The following GRM5 variants were observed in gnomAD, a reference collection of about 807,000 sequenced individuals.
The protein encoded by GRM5 is glutamate metabotropic receptor 5.
A neutral mutation model predicts 83.1 loss-of-function variants in GRM5; 19 were observed. The ratio of observed to expected loss-of-function variants is 0.23; its 90% CI spans 0.16 to 0.34. The LOEUF (loss-of-function observed/expected upper bound fraction) is 0.34, where lower values mean the gene tolerates loss of function less well. Ranked by LOEUF, GRM5 falls within the 10% of genes least tolerant of loss-of-function variation. The pLI is 1.00. For missense variants in GRM5, 1,160 were observed against 1,588.3 expected, an observed-to-expected ratio of 0.73 and a Z score of 4.58; for synonymous variants, 675 against 633.6, an observed-to-expected ratio of 1.07 and a Z score of -0.98.
chr11:88,570,567 A>G (rs1378694056), intron 7 of GRM5, among the ~76,000 whole-genome samples: 1 of 71,600 alleles, frequency 1.4e-5, no homozygotes, highest in Non-Finnish European at 2.4e-5. Context: ...ATATATATAT[A>G]TATATTTTTT....
intron 4 of GRM5, among the ~76,000 whole-genome samples, chr11:88,643,485 A>G (rs1939353355): frequency 6.6e-6 from 1 of 152,176 alleles, no homozygotes; most frequent in Non-Finnish European, 1.5e-5. Context: ...TCCTTCCTCT[A>G]GAATATGGAA....
chr11:88,605,286 A>G (rs531821254), intron 4 of GRM5, among the ~76,000 whole-genome samples: 1 of 152,180 alleles, frequency 6.6e-6, no homozygotes, highest in East Asian at 1.9e-4. Context: ...TCTTAAGGAC[A>G]GATTCATTTC....
chr11:88,832,951 A>G (rs1296296724), intron 3 of GRM5, among the ~76,000 whole-genome samples: 1 of 151,942 alleles, frequency 6.6e-6, no homozygotes, highest in Non-Finnish European at 1.5e-5. Flanking sequence ...CTCTCATGAT[A>G]TATAAAAACA....
chr11:88,815,156 C>G (rs1943653402), intron 3 of GRM5, among the ~76,000 whole-genome samples: 1 of 152,012 alleles, frequency 6.6e-6, no homozygotes, highest in Non-Finnish European at 1.5e-5. Flanking sequence ...AAACACTTAC[C>G]AATATGGACC....
chr11:88,830,896 G>A (rs774949758), intron 3 of GRM5, among the ~76,000 whole-genome samples: 3 of 152,110 alleles, frequency 2.0e-5, no homozygotes, highest in African/African-American at 7.2e-5. Context: ...CACATGGATG[G>A]CAGCAGGCAA....
intron 2 of GRM5, among the ~76,000 whole-genome samples, chr11:89,019,694 C>A (rs1294639813): frequency 6.6e-6 from 1 of 152,052 alleles, no homozygotes; most frequent in Admixed American, 6.6e-5. Flanking sequence ...GGCAACAGAG[C>A]AAAACTCTGT....
intron 3 of GRM5, among the ~76,000 whole-genome samples, chr11:88,758,988 T>C (rs555479504): frequency 6.6e-6 from 1 of 152,238 alleles, no homozygotes; most frequent in Admixed American, 6.5e-5. Context: ...CAAACTAAGC[T>C]TCATACATGA....
chr11:88,684,374 G>A (rs1250586111), intron 3 of GRM5, among the ~76,000 whole-genome samples: 1 of 152,148 alleles, frequency 6.6e-6, no homozygotes, highest in Non-Finnish European at 1.5e-5. Context: ...TGAAATTAGA[G>A]GATCAATTAG....
intron 3 of GRM5, among the ~76,000 whole-genome samples, chr11:88,808,180 A>G (rs1943529569): frequency 6.6e-6 from 1 of 152,032 alleles, no homozygotes; most frequent in South Asian, 2.1e-4. Context: ...AGACATGTGT[A>G]TTTAAGCCTT....
intron 2 of GRM5, among the ~76,000 whole-genome samples, chr11:88,911,028 C>T (rs191403252): frequency 7.2e-4 from 110 of 152,158 alleles, no homozygotes; most frequent in Middle Eastern, 3.4e-3. Flanking sequence ...CAAGCGAATG[C>T]GTCCAGTCAT....
At chr11:88,644,893 A>T (rs1939397358) in intron 4 of GRM5, among the ~76,000 whole-genome samples, 1 of 152,116 alleles carries the variant, frequency 6.6e-6, no homozygotes, top group Non-Finnish European at 1.5e-5. Flanking sequence ...CTGTGGGGAA[A>T]TGCTACAGGG....
rs1360222704 is a variant in GRM5, at chr11:88,507,950, C to G, written c.*642G>C. On this transcript the variant is annotated 3_prime_UTR_variant, in exon 10 of 10. Coordinates refer to ENST00000305447, the MANE Select transcript of GRM5 (RefSeq NM_001143831.3). ...ACAACCCAATTGGAGAGGAAAATCT[C>G]TGGTAGAAGCCCTACGTAGTACATT... 6.6e-6 allele frequency: 1 copy of G among 152,506 alleles called. No individual in the cohort carries two copies. Among genetic ancestry groups the G allele is most frequent in the Non-Finnish European group, 1.5e-5 (1 of 68,040 alleles). 9.4% of individuals were successfully genotyped at this position (152,506 alleles called of 1,614,324 possible). A position where few individuals can be genotyped will look rare whatever the true frequency, so the allele number is the denominator to read the frequency against.
At chr11:88,840,559 G>T (rs536091398) in intron 3 of GRM5, among the ~76,000 whole-genome samples, 1 of 152,136 alleles carries the variant, frequency 6.6e-6, no homozygotes, top group East Asian at 1.9e-4. Context: ...CACAAGATCT[G>T]GAAACAGTTT....
chr11:88,839,472 A>G (rs2135528906), intron 3 of GRM5, among the ~76,000 whole-genome samples: 1 of 152,346 alleles, frequency 6.6e-6, no homozygotes, highest in African/African-American at 2.4e-5. Flanking sequence ...AAAACTACAA[A>G]TTAAAACATT....
At chr11:88,559,489 T>C (rs1028418902) in intron 8 of GRM5, among the ~76,000 whole-genome samples, 2 of 152,196 alleles carry the variant, frequency 1.3e-5, no homozygotes, top group South Asian at 2.1e-4. Context: ...TCCTCATGTG[T>C]ACAATAAATG....
At chr11:88,710,371 G>C (rs1941256407) in intron 3 of GRM5, among the ~76,000 whole-genome samples, 1 of 152,106 alleles carries the variant, frequency 6.6e-6, no homozygotes, top group African/African-American at 2.4e-5. Flanking sequence ...CCTTTGTTGA[G>C]CAGCATGCAG....
At chr11:88,516,226 T>C (rs1480784386) in intron 9 of GRM5, among the ~76,000 whole-genome samples, 2 of 152,128 alleles carry the variant, frequency 1.3e-5, no homozygotes, top group Non-Finnish European at 2.9e-5. Context: ...TCACTATAGA[T>C]ATGAGAAATG....
intron 2 of GRM5, among the ~76,000 whole-genome samples, chr11:88,875,191 C>T (rs985198838): frequency 2.0e-5 from 3 of 151,810 alleles, no homozygotes; most frequent in Admixed American, 1.3e-4. Context: ...TAAAACCCTG[C>T]TGCTGCTTTA....
At chr11:88,775,838 C>T (rs182468581) in intron 3 of GRM5, among the ~76,000 whole-genome samples, 1 of 152,244 alleles carries the variant, frequency 6.6e-6, no homozygotes, top group East Asian at 1.9e-4. Context: ...TTTACATTTG[C>T]TGAGGAGTGA....
Sources: allele counts gnomAD v4.1 joint callset (sites outside exome capture counted in the v4.1 genomes callset), GRCh38; gene constraint gnomAD v4.1.1; transcripts MANE v1.5; gene names NCBI Gene and HGNC (gene_info 2026-07-23, HGNC 2026-07-21).